The following TXNL4A variants were observed in gnomAD, a reference collection of about 807,000 sequenced individuals.
TXNL4A encodes thioredoxin like 4A, also known as thioredoxin-like protein 4A.
In TXNL4A, 17 loss-of-function variants were observed where a neutral mutation model predicts 14.6. The ratio of observed to expected loss-of-function variants is 1.16; its 90% confidence interval spans 0.80 to 1.74. The LOEUF is 1.74. Among genes scored for constraint, TXNL4A ranks in the 40% most tolerant of loss-of-function variants. The pLI, the probability that TXNL4A is intolerant of heterozygous loss-of-function variation, is 0.00. For synonymous variants in TXNL4A, 83 were observed against 70.6 expected (o/e 1.18, Z -0.88); for missense variants, 74 against 195.2 (o/e 0.38, Z 3.70).
In TXNL4A at chr18:79,973,202, A is replaced by T. The variant is rs1025570869; in HGVS notation, c.*483T>A. ...ATCCACACACCAAGGAACTGAAAAT[A>T]CCACCAGCAGCCCCCAGAAGCCAGG... On this transcript the variant is annotated 3_prime_UTR_variant, in exon 3 of 3. Transcript: ENST00000269601. The T allele has an allele frequency of 1.3e-5, 2 of 153,382 alleles. No homozygotes were observed. Among genetic ancestry groups the T allele is most frequent in the African/African-American group, 4.8e-5 (2 of 41,432 alleles). The allele number at this position is 153,382 out of a possible 1,614,324, so 9.5% of individuals were successfully genotyped here. A position where few individuals can be genotyped will look rare whatever the true frequency, so the allele number is the denominator to read the frequency against.
At chr18:79,987,845 A>T (rs1478473010) in intron 1 of TXNL4A, among the ~76,000 whole-genome samples, 1 of 152,288 alleles carries the variant, frequency 6.6e-6, no homozygotes, top group Non-Finnish European at 1.5e-5. Context: ...GTCCTGCTTT[A>T]TGCATACAAC....
Position 79,983,216 on chromosome 18 carries a change from G to T in TXNL4A, c.153+5024C>A, listed in dbSNP as rs563518073. Among the ~76,000 whole-genome samples the T allele has an allele frequency of 3.1e-4, 47 of 152,240 alleles. 1 individual carries two copies. The highest frequency in any genetic ancestry group is 1.1e-3 in the African/African-American group (46 of 41,546). Reference sequence around the variant, plus strand: ...GGGTTTCAACATGTTGGCCAAGCTGGTCTCGAACTCTTGACCTCAGATGAT... The same window carrying T: ...GGGTTTCAACATGTTGGCCAAGCTGTTCTCGAACTCTTGACCTCAGATGAT... On this transcript the variant is annotated intron_variant, in intron 1 of 2. Transcript: ENST00000269601.
At position 80,001,741 on chromosome 18, in the gene TXNL4A, C is replaced by T. The variant is rs192960488; in HGVS notation, c.-60-24040G>A. On this transcript the variant is annotated intron_variant, in intron 1 of 2. Coordinates refer to the TXNL4A transcript ENST00000585474. ...TCGTTTTGGCTAATTTCTCTAATTT[C>T]GAATGGCTGTATTTACCCAATGACT... Among the ~76,000 whole-genome samples the T allele has an allele frequency of 5.0e-3, 762 of 152,282 alleles. 6 individuals are homozygous for T. Among genetic ancestry groups the T allele is most frequent in the African/African-American group, 0.017 (713 of 41,566 alleles).
At chr18:80,009,780 G>T (rs1191973048) in intron 1 of TXNL4A, among the ~76,000 whole-genome samples, 1 of 152,154 alleles carries the variant, frequency 6.6e-6, no homozygotes, top group Non-Finnish European at 1.5e-5. Context: ...TTCTTCCCTT[G>T]GAGCTGGCTG....
intron 1 of TXNL4A, among the ~76,000 whole-genome samples, chr18:80,003,386 C>T (rs1000046475): frequency 1.3e-5 from 2 of 152,266 alleles, no homozygotes; most frequent in African/African-American, 4.8e-5. Context: ...GAAATCACAG[C>T]TCTCTCTTTG....
At chr18:80,005,886 C>T (rs568013885) in intron 1 of TXNL4A, among the ~76,000 whole-genome samples, 4 of 151,986 alleles carry the variant, frequency 2.6e-5, no homozygotes, top group African/African-American at 7.2e-5. Flanking sequence ...GCACTCCAGC[C>T]TGGGTGACAG....
intron 1 of TXNL4A, among the ~76,000 whole-genome samples, chr18:80,017,421 G>C (rs1484879214): frequency 6.6e-6 from 1 of 151,512 alleles, no homozygotes; most frequent in Non-Finnish European, 1.5e-5. Flanking sequence ...TGGTGAGAGA[G>C]GGCATCCCTG....
At chr18:80,007,550 GT>G (rs1161962459) in intron 1 of TXNL4A, among the ~76,000 whole-genome samples, 2 of 151,670 alleles carry the variant, frequency 1.3e-5, no homozygotes, top group African/African-American at 4.8e-5. Context: ...CCCAGGCCTG[GT>G]TTTGGGCCTG....
intron 1 of TXNL4A, among the ~76,000 whole-genome samples, chr18:80,003,959 G>T (rs953590566): frequency 6.6e-6 from 1 of 152,080 alleles, no homozygotes; most frequent in Non-Finnish European, 1.5e-5. Flanking sequence ...ACCTCCGCTT[G>T]GTCCTGCTCT....
At chr18:80,004,527 G>A (rs1056259646) in intron 1 of TXNL4A, among the ~76,000 whole-genome samples, 5 of 152,314 alleles carry the variant, frequency 3.3e-5, no homozygotes, top group Admixed American at 3.3e-4. Context: ...ATCTGGGGGG[G>A]ATTCGCACTT....
rs184982931 is a variant in TXNL4A, at chr18:79,971,685, G to A, written c.*2000C>T. On this transcript the variant is annotated 3_prime_UTR_variant, in exon 3 of 3. Coordinates refer to ENST00000269601, the MANE Select transcript of TXNL4A (RefSeq NM_006701.5). ...CTGTGTTACCACTTTGCCACCAGCA[G>A]TGTGTGAGGGCTCCAATTTCTCCAC... 6 of 152,226 alleles carry A rather than the reference G, an allele frequency of 3.9e-5. No homozygotes were observed. The highest frequency in any genetic ancestry group is 7.3e-5 in the Non-Finnish European group (5 of 68,058). The allele number at this position is 152,226 out of a possible 1,614,324, so 9.4% of individuals were successfully genotyped here.
chr18:79,983,944 G>A (rs1304763272), intron 1 of TXNL4A, among the ~76,000 whole-genome samples: 3 of 151,682 alleles, frequency 2.0e-5, no homozygotes, highest in Non-Finnish European at 2.9e-5. Context: ...CTCAACCGCC[G>A]CTCAACACCA....
At chr18:79,992,084 T>C (rs940562820), upstream of TXNL4A, among the ~76,000 whole-genome samples, 3 of 152,250 alleles carry the variant, frequency 2.0e-5, no homozygotes, top group Admixed American at 1.3e-4. Context: ...TGTGAGTTTC[T>C]GATCAGCCTT....
At chr18:79,981,991 C>T (rs1169121507) in intron 1 of TXNL4A, among the ~76,000 whole-genome samples, 9 of 152,196 alleles carry the variant, frequency 5.9e-5, no homozygotes, top group Non-Finnish European at 1.3e-4. Context: ...AGAAAGGTCA[C>T]GTGAGTGATG....
chr18:79,972,073 G>GT lies in TXNL4A; in HGVS notation c.*1611dup, dbSNP rs919598716. On this transcript the variant is annotated 3_prime_UTR_variant, in exon 3 of 3. Transcript: ENST00000269601. Reference sequence around the variant, plus strand: ...AAGCACACACTCATTTGTACTGTATGTAAAAAATGTGCTTCATTCTGTAAG... The same window carrying GT: ...AAGCACACACTCATTTGTACTGTATGTTAAAAAATGTGCTTCATTCTGTAAG... 1 of 152,204 alleles carries GT rather than the reference G, an allele frequency of 6.6e-6. No homozygotes were observed. The highest frequency in any genetic ancestry group is 2.4e-5 in the African/African-American group (1 of 41,448). 9.4% of individuals were successfully genotyped at this position (152,204 alleles called of 1,614,324 possible). A position where few individuals can be genotyped will look rare whatever the true frequency, so the allele number is the denominator to read the frequency against.
chr18:79,981,515 C>T (rs1437065528), intron 1 of TXNL4A, among the ~76,000 whole-genome samples: 24 of 151,924 alleles, frequency 1.6e-4, no homozygotes, highest in Admixed American at 1.6e-3. Flanking sequence ...CTACTAAAAA[C>T]ACAAAAATTA....
At chr18:79,984,515 G>T (rs1013519648) in intron 1 of TXNL4A, among the ~76,000 whole-genome samples, 14 of 152,232 alleles carry the variant, frequency 9.2e-5, no homozygotes, top group African/African-American at 3.4e-4. Flanking sequence ...AGTGAGCCAA[G>T]ATCGTGCCAC....
upstream of TXNL4A, among the ~76,000 whole-genome samples, chr18:79,992,518 G>C (rs1333730649): frequency 6.6e-6 from 1 of 152,090 alleles, no homozygotes; most frequent in Non-Finnish European, 1.5e-5. Context: ...TAAATCTTGT[G>C]ACCCCAAACT....
intron 1 of TXNL4A, among the ~76,000 whole-genome samples, chr18:80,015,013 G>A (rs1386791728): frequency 1.3e-5 from 2 of 152,194 alleles, no homozygotes; most frequent in Non-Finnish European, 1.5e-5. Context: ...GCCCCTTTCT[G>A]CCACAGCTGG....
Sources: allele counts gnomAD v4.1 joint callset (sites outside exome capture counted in the v4.1 genomes callset), GRCh38; gene constraint gnomAD v4.1.1; transcripts MANE v1.5; gene names NCBI Gene and HGNC (gene_info 2026-07-23, HGNC 2026-07-21).